Variants in IGBP1C observed in about 807,000 individuals in gnomAD.
IGBP1C encodes immunoglobulin-binding protein 1 family member C.
the IGBP1C span, among the ~76,000 whole-genome samples, chr17:58,676,569 GAAAAC>G: frequency 6.6e-6 from 1 of 151,816 alleles, no homozygotes; most frequent in Non-Finnish European, 1.5e-5. Flanking sequence ...TCAAACAAAA[GAAAAC>G]AAAACAAAAC....
chr17:58,662,815 G>C, the IGBP1C span, among the ~76,000 whole-genome samples: 1 of 152,114 alleles, frequency 6.6e-6, no homozygotes, highest in Non-Finnish European at 1.5e-5. Context: ...AAGCAGTTGT[G>C]ACTGTTAAAA....
At chr17:58,667,160 C>T in the IGBP1C span, among the ~76,000 whole-genome samples, 8 of 152,192 alleles carry the variant, frequency 5.3e-5, no homozygotes, top group African/African-American at 1.9e-4. Flanking sequence ...GGGATACCCA[C>T]GCTGTGAACC....
chr17:58,686,861 C>CTTT, the IGBP1C span, among the ~76,000 whole-genome samples: 17 of 71,536 alleles, frequency 2.4e-4, no homozygotes, highest in South Asian at 6.0e-4. Flanking sequence ...GAAAGGTCAC[C>CTTT]TTTTTTTTTT....
the IGBP1C span, among the ~76,000 whole-genome samples, chr17:58,683,350 G>C: frequency 6.6e-6 from 1 of 150,396 alleles, no homozygotes; most frequent in Non-Finnish European, 1.5e-5. Flanking sequence ...TCCAGCCTGA[G>C]TGACAAAGCA....
At chr17:58,668,679 G>A in the IGBP1C span, among the ~76,000 whole-genome samples, 2 of 152,208 alleles carry the variant, frequency 1.3e-5, no homozygotes, top group East Asian at 1.9e-4. Context: ...GTCATCCCCA[G>A]AGAGGACTTC....
the IGBP1C span, among the ~76,000 whole-genome samples, chr17:58,678,808 G>A: frequency 9.4e-6 from 1 of 106,886 alleles, no homozygotes; most frequent in Non-Finnish European, 1.9e-5. Flanking sequence ...ATGTACCCTA[G>A]AACTTAAAGT....
chr17:58,672,465 G>T, the IGBP1C span, among the ~76,000 whole-genome samples: 1 of 152,102 alleles, frequency 6.6e-6, no homozygotes, highest in Admixed American at 6.6e-5. Context: ...ACAGAGTCTC[G>T]CTCTATCACC....
the IGBP1C span, chr17:58,679,660 G>T: frequency 1.3e-5 from 2 of 152,136 alleles, no homozygotes; most frequent in Non-Finnish European, 1.5e-5. Flanking sequence ...CACCTTTAAT[G>T]ATCATGTTAT....
the IGBP1C span, among the ~76,000 whole-genome samples, chr17:58,684,553 T>G: frequency 4.6e-5 from 7 of 151,458 alleles, no homozygotes; most frequent in South Asian, 1.3e-3. Flanking sequence ...GAGAATCACT[T>G]GAACCAGGGA....
the IGBP1C span, chr17:58,679,680 C>T: frequency 1.3e-5 from 2 of 152,252 alleles, no homozygotes; most frequent in Admixed American, 6.6e-5. Flanking sequence ...TTTCCCTTGC[C>T]AGTTAAGTAT....
chr17:58,674,939 A>G, the IGBP1C span, among the ~76,000 whole-genome samples: 2 of 151,640 alleles, frequency 1.3e-5, no homozygotes, highest in Admixed American at 6.6e-5. Flanking sequence ...TGAAGCCAGG[A>G]GTTTGAGACC....
At chr17:58,667,008 C>G in the IGBP1C span, among the ~76,000 whole-genome samples, 25 of 152,302 alleles carry the variant, frequency 1.6e-4, no homozygotes, top group Admixed American at 1.6e-3. Flanking sequence ...CTCCTGCTCG[C>G]GTCAATGCAA....
chr17:58,666,606 AT>A, the IGBP1C span: 1 of 152,184 alleles, frequency 6.6e-6, no homozygotes, highest in Non-Finnish European at 1.5e-5. Flanking sequence ...ATTTGGGGAA[AT>A]CGTAGGGATC....
the IGBP1C span, among the ~76,000 whole-genome samples, chr17:58,688,608 C>G: frequency 6.6e-6 from 1 of 152,152 alleles, no homozygotes; most frequent in East Asian, 1.9e-4. Flanking sequence ...TGACCAAAAC[C>G]CCAGGAGATA....
chr17:58,679,319 C>A, the IGBP1C span, among the ~76,000 whole-genome samples: 1 of 152,126 alleles, frequency 6.6e-6, no homozygotes, highest in African/African-American at 2.4e-5. Context: ...TATTCAACTG[C>A]GTACTTCTGA....
At chr17:58,661,771 G>A in the IGBP1C span, 1 of 534,628 alleles carries the variant, frequency 1.9e-6, no homozygotes, top group Non-Finnish European at 3.3e-6. Flanking sequence ...GTTGTGCCGG[G>A]TCTGAATCGC....
the IGBP1C span, among the ~76,000 whole-genome samples, chr17:58,666,900 C>T: frequency 6.6e-6 from 1 of 152,172 alleles, no homozygotes; most frequent in East Asian, 1.9e-4. Context: ...CTTTAATCTA[C>T]ATACTCCACC....
At chr17:58,683,052 CAAAAAAAAAAA>C in the IGBP1C span, among the ~76,000 whole-genome samples, 4 of 54,040 alleles carry the variant, frequency 7.4e-5, no homozygotes, top group South Asian at 1.3e-3. Flanking sequence ...GAGTCTGTCT[CAAAAAAAAAAA>C]AAAAAAAAAA....
the IGBP1C span, among the ~76,000 whole-genome samples, chr17:58,677,251 C>G: frequency 1.3e-5 from 2 of 152,080 alleles, no homozygotes; most frequent in Non-Finnish European, 2.9e-5. Flanking sequence ...CACCACTGTA[C>G]TCCAGTCTGG....
Sources: allele counts gnomAD v4.1 joint callset (sites outside exome capture counted in the v4.1 genomes callset), GRCh38; gene constraint gnomAD v4.1.1; transcripts MANE v1.5; gene names NCBI Gene and HGNC (gene_info 2026-07-23, HGNC 2026-07-21).